MASP2: variants seen among roughly 807,000 people sequenced by gnomAD.
The protein encoded by MASP2 is MBL associated serine protease 2.
Under a neutral mutation model 57.1 loss-of-function variants are expected in MASP2, and 49 were observed. The observed-to-expected ratio is 0.86, with a 90% CI of 0.68 to 1.09. The LOEUF (loss-of-function observed/expected upper bound fraction) is 1.09, where lower values mean the gene tolerates loss of function less well. Among genes scored for constraint, MASP2 ranks in the 50% least tolerant of loss-of-function variants. MASP2 has a pLI of 0.00. For synonymous variants in MASP2, 379 were observed against 340.8 expected (o/e 1.11, Z -1.24); for missense variants, 900 against 874.8 (o/e 1.03, Z -0.36).
intron 9 of MASP2, 171 bp from the exon 10 acceptor site, chr1:11,030,421 T>G: frequency 1.7e-6 from 1 of 599,624 alleles, no homozygotes; most frequent in Non-Finnish European, 2.9e-6. Flanking sequence ...ATTACCATGT[T>G]TGCTTGCAAA....
At position 11,031,832 on chromosome 1, in the gene MASP2, G is replaced by C. The variant is rs184279970; in HGVS notation, c.1088-950C>G. On this transcript the variant is annotated intron_variant, in intron 8 of 10. Transcript: ENST00000400897. ...GGAGGCTGAAGCAGGAGGATGGCTTGAGCCTGGGAGGATGAGGCCGCAGTG... is the reference window on the plus strand; with the variant it reads ...GGAGGCTGAAGCAGGAGGATGGCTTCAGCCTGGGAGGATGAGGCCGCAGTG... Among the ~76,000 whole-genome samples, 501 of 152,238 alleles carry C rather than the reference G, an allele frequency of 3.3e-3. 5 individuals are homozygous for C. The highest frequency in any genetic ancestry group is 0.012 in the African/African-American group (485 of 41,528).
In MASP2 at chr1:11,027,539, T is replaced by C. The variant is rs988816987; in HGVS notation, c.1407A>G (p.Ala469=). The change falls in exon 11 of 11, where the codon GCA becomes GCG. Residue 469 remains alanine, a synonymous_variant. Coordinates refer to ENST00000400897, the MANE Select transcript of MASP2 (RefSeq NM_006610.4). ...QVLILGGTTA[A]GALLYDNWVL... is the part of the protein sequence containing the mutation. ...CCCAGTTGTCATATAAAAGTGCACC[T>C]GCTGCTGTGGTTCCACCTAATATCA... 1.2e-5 allele frequency: 20 copies of C among 1,614,210 alleles called. No individual in the cohort carries two copies. Among genetic ancestry groups the C allele is most frequent in the Non-Finnish European group, 1.7e-5 (20 of 1,180,034 alleles).
chr1:11,037,683 T>C lies in MASP2; in HGVS notation c.1008+10A>G, dbSNP rs1049463731. The C allele has an allele frequency of 6.4e-7, 1 of 1,569,512 alleles. No individual in the cohort carries two copies. The highest frequency in any genetic ancestry group is 2.3e-5 in the East Asian group (1 of 44,354). ...CGTCATTGATCGTGGTGTACTTTGT[T>C]TTAACTCACTTGCAGAAGCTCATAG... On this transcript the variant is annotated intron_variant, in intron 7 of 10. Coordinates refer to ENST00000400897, the MANE Select transcript of MASP2 (RefSeq NM_006610.4).
chr1:11,043,043 A>T, intron 5 of MASP2, 21 bp from the exon 6 acceptor site: 1 of 1,611,940 alleles, frequency 6.2e-7, no homozygotes, highest in East Asian at 2.2e-5. Flanking sequence ...AGCTCATGAA[A>T]GCTGGGGAGC....
chr1:11,043,142 A>G, intron 5 of MASP2, 120 bp from the exon 6 acceptor site: 2 of 1,160,240 alleles, frequency 1.7e-6, no homozygotes, highest in Non-Finnish European at 2.5e-6. Flanking sequence ...CAGGCCATGG[A>G]TTGGGGTGCC....
intron 10 of MASP2, 65 bp downstream of exon 10, chr1:11,030,111 C>G: frequency 8.4e-7 from 1 of 1,187,658 alleles, no homozygotes; most frequent in Non-Finnish European, 1.2e-6. Context: ...AAGCTCTCCT[C>G]ACTGTCTCCT....
In MASP2 at chr1:11,038,479, T is replaced by C. The variant is rs77148937; in HGVS notation, c.890-668A>G. On this transcript the variant is annotated intron_variant, in intron 6 of 10. Coordinates refer to ENST00000400897, the MANE Select transcript of MASP2 (RefSeq NM_006610.4). Reference sequence around the variant, plus strand: ...CTCAGGCTTCCCCTCATGAGCTGCATTCCACTCTGGCCCCCAAACCCTGGC... The same window carrying C: ...CTCAGGCTTCCCCTCATGAGCTGCACTCCACTCTGGCCCCCAAACCCTGGC... Among the ~76,000 whole-genome samples the C allele has an allele frequency of 8.5e-3, 1,294 of 152,272 alleles. 12 individuals carry two copies. The highest frequency in any genetic ancestry group is 0.015 in the Non-Finnish European group (1,036 of 68,004).
intron 6 of MASP2, among the ~76,000 whole-genome samples, chr1:11,041,607 A>G (rs1369324804): frequency 4.3e-5 from 6 of 140,570 alleles, no homozygotes; most frequent in Admixed American, 3.5e-4. Context: ...TGGTGGATGG[A>G]TGGATGGATG....
chr1:11,034,495 C>T (rs1056404977), intron 8 of MASP2, among the ~76,000 whole-genome samples: 2 of 150,302 alleles, frequency 1.3e-5, no homozygotes, highest in Admixed American at 6.6e-5. Context: ...GTCAGGAGTT[C>T]GAGACCAGCC....
In MASP2 at chr1:11,043,573, CCTCT is replaced by C. The variant is rs1289679019; in HGVS notation, c.545-42_545-39del. 3.5e-6 allele frequency: 5 copies of C among 1,433,148 alleles called. No individual in the cohort carries two copies. The East Asian group carries it at 1.2e-4, about 34-fold the overall frequency. 88.8% of individuals were successfully genotyped at this position (1,433,148 alleles called of 1,614,324 possible). The stretch of plus-strand genomic sequence containing the variant: ...AAGGCAGGGGAGTGACTTGGCGTGC[CCTCT>C]ATCAGCCCTCGCACCAACAGCAGGG... On this transcript the variant is annotated intron_variant, in intron 4 of 10. Transcript: ENST00000400897.
chr1:11,030,957 C>G, intron 8 of MASP2, 75 bp from the exon 9 acceptor site: 1 of 1,492,336 alleles, frequency 6.7e-7, no homozygotes, highest in South Asian at 1.3e-5. Context: ...GGAGAAGCAC[C>G]TTTGGGAGGC....
rs1484317089 is a variant in MASP2, at chr1:11,036,519, A to C, written c.1008+1174T>G. Among the ~76,000 whole-genome samples, 60 of 130,238 alleles carry C rather than the reference A, an allele frequency of 4.6e-4. 1 individual carries two copies. Among genetic ancestry groups the C allele is most frequent in the African/African-American group, 2.2e-3 (54 of 25,096 alleles). The allele number at this position is 130,238 out of a possible 152,430, so 85.4% of individuals were successfully genotyped here. On this transcript the variant is annotated intron_variant, in intron 7 of 10. Transcript: ENST00000400897. ...GAGCGAGACTCCGTCTCAAAAAAAA[A>C]AAAAAAAAAAAAAAAAAACAAAAAA... is the stretch of plus-strand genomic sequence containing the variant.
chr1:11,029,125 T>C (rs962487315), intron 10 of MASP2, among the ~76,000 whole-genome samples: 2 of 150,754 alleles, frequency 1.3e-5, no homozygotes, highest in Admixed American at 1.3e-4. Context: ...CCCGAGTAGC[T>C]GGGACTACAG....
In MASP2 at chr1:11,037,760, A is replaced by G; in HGVS notation, c.941T>C (p.Val314Ala). The change falls in exon 7 of 11, where the codon GTG becomes GCG. Residue 314 changes from valine (V) to alanine (A), a missense_variant. Physicochemically the swap from Val to Ala is moderately conservative, Grantham distance 64 (BLOSUM62 0). Transcript: ENST00000400897. ...GTCTTTCAGGATGTATTTGGCTTGC[A>G]CAGGTGAAACGTGGCCATTAGGTGG... Reference protein sequence around the residue: ...MAPPNGHVSPVQAKYILKDSF... With the variant: ...MAPPNGHVSPAQAKYILKDSF... The G allele has an allele frequency of 6.2e-7, 1 of 1,613,488 alleles. No individual in the cohort carries two copies. Among genetic ancestry groups the G allele is most frequent in the Non-Finnish European group, 8.5e-7 (1 of 1,179,808 alleles).
At chr1:11,041,408 A>ATGAG (rs1239630606) in intron 6 of MASP2, among the ~76,000 whole-genome samples, 4 of 136,724 alleles carry the variant, frequency 2.9e-5, no homozygotes, top group Admixed American at 7.2e-5. Flanking sequence ...GGATGAGTGG[A>ATGAG]TGGATGGATG....
chr1:11,034,777 C>T, intron 8 of MASP2, 51 bp downstream of exon 8: 1 of 1,188,598 alleles, frequency 8.4e-7, no homozygotes, highest in Non-Finnish European at 1.2e-6. Context: ...ACAGTAGCAG[C>T]AGAGGGAGTT....
chr1:11,031,444 G>T (rs1357530987), intron 8 of MASP2, among the ~76,000 whole-genome samples: 1 of 144,826 alleles, frequency 6.9e-6, no homozygotes, highest in African/African-American at 2.5e-5. Context: ...CAGGAGAATG[G>T]CATGAACCCG....
At position 11,027,603 on chromosome 1, in the gene MASP2, C is replaced by G; in HGVS notation, c.1343G>C (p.Gly448Ala). Residue 448 changes from glycine to alanine, a missense_variant, in exon 11 of 11, where the codon GGG (glycine) becomes GCG (alanine). Physicochemically the swap from Gly to Ala is moderately conservative, Grantham distance 60 (BLOSUM62 0). Coordinates refer to ENST00000400897, the MANE Select transcript of MASP2 (RefSeq NM_006610.4). ...ARTTGGRIYG[G>A]QKAKPGDFPW... is the part of the protein sequence containing the mutation. ...AAAATCACCAGGTTTTGCCTTTTGC[C>G]CTCCATATATACGCCCTCCTGTTGT... The G allele has an allele frequency of 1.2e-6, 2 of 1,614,044 alleles. No individual in the cohort carries two copies. Among genetic ancestry groups the G allele is most frequent in the Non-Finnish European group, 1.7e-6 (2 of 1,179,972 alleles).
chr1:11,045,651 T>A (rs1638616113), intron 3 of MASP2, 112 bp from the exon 4 acceptor site: 1 of 1,274,660 alleles, frequency 7.8e-7, no homozygotes, highest in South Asian at 1.4e-5. Context: ...GGAGGCCTCG[T>A]CCTGTCTAGG....
Sources: allele counts gnomAD v4.1 joint callset (sites outside exome capture counted in the v4.1 genomes callset), GRCh38; gene constraint gnomAD v4.1.1; transcripts MANE v1.5; gene names NCBI Gene and HGNC (gene_info 2026-07-23, HGNC 2026-07-21).